CCDC158: variants seen among roughly 807,000 people sequenced by gnomAD.
CCDC158 encodes the protein coiled-coil domain-containing protein 158.
Under a neutral mutation model 138.6 loss-of-function variants are expected in CCDC158, and 116 were observed. The observed-to-expected ratio is 0.84, with a 90% CI of 0.72 to 0.98. CCDC158 has a LOEUF of 0.98. Ranked by LOEUF, CCDC158 falls within the 50% of genes least tolerant of loss-of-function variation. The probability of loss-of-function intolerance (pLI) is 0.00; values close to 1 mark genes in which losing one functional copy is unlikely to be tolerated. For synonymous variants in CCDC158, 436 were observed against 442.4 expected, an observed-to-expected ratio of 0.99 and a Z score of 0.18; for missense variants, 1,265 against 1,306.1, an observed-to-expected ratio of 0.97 and a Z score of 0.48.
At chr4:76,388,772 C>T (rs1727052910) in intron 4 of CCDC158, among the ~76,000 whole-genome samples, 1 of 152,080 alleles carries the variant, frequency 6.6e-6, no homozygotes, top group Admixed American at 6.5e-5. Context: ...CATAACCACA[C>T]CCCCAGTTCC....
chr4:76,323,811 C>T (rs373780383), intron 23 of CCDC158, among the ~76,000 whole-genome samples: 1 of 152,296 alleles, frequency 6.6e-6, no homozygotes, highest in East Asian at 1.9e-4. Context: ...AGAAACTGCA[C>T]CATTTTCAAG....
chr4:76,384,650 C>T lies in CCDC158; in HGVS notation c.304G>A (p.Glu102Lys), dbSNP rs1364961069. ...TGCCTCAAATAAAACTTTTGTTTCTCATGCAATTCATTGCTCTGAAAAAAA... is the reference window on the plus strand; with the variant it reads ...TGCCTCAAATAAAACTTTTGTTTCTTATGCAATTCATTGCTCTGAAAAAAA... The part of the protein sequence containing the change: ...RRLNESNELH[E>K]KQKFYLRQSV... The change falls in exon 5 of 25, where the codon GAG becomes AAG. Residue 102 changes from glutamate (E) to lysine (K), a missense_variant. By Grantham distance (56) the Glu-to-Lys change is moderately conservative (BLOSUM62 1). Transcript: ENST00000682701. The T allele has an allele frequency of 6.2e-7, 1 of 1,611,794 alleles. No homozygotes were observed. The highest frequency in any genetic ancestry group is 1.7e-5 in the Admixed American group (1 of 59,846).
rs547653301 is a variant in CCDC158 at position 76,398,161 on chromosome 4, G to C, written c.71-1675C>G. ...CTGAAGAATGTCAGCTAATAACTAT[G>C]ATAAAATTAGAAAATCATCAATGTA... On this transcript the variant is annotated intron_variant, in intron 3 of 24. Transcript: ENST00000682701. Among the ~76,000 whole-genome samples, 23 of 152,238 alleles carry C rather than the reference G, an allele frequency of 1.5e-4. No homozygotes were observed. The South Asian group carries it at 4.6e-3, about 30-fold the overall frequency.
At chr4:76,369,722 A>C in intron 10 of CCDC158, 99 bp from the exon 11 acceptor site, 1 of 1,018,734 alleles carries the variant, frequency 9.8e-7, no homozygotes, top group Non-Finnish European at 1.4e-6. Context: ...ATGTGATTTC[A>C]GACACCTTTG....
Position 76,351,947 on chromosome 4 carries a change from A to T in CCDC158, c.2446-135T>A, listed in dbSNP as rs572881162. On this transcript the variant is annotated intron_variant, in intron 16 of 24. Transcript: ENST00000682701. ...CTACCAAACTATATTACAATGATCT[A>T]TTTATCTGTTTTATTTAGTGAACTG... The T allele has an allele frequency of 2.9e-5, 17 of 595,706 alleles. No homozygotes were observed. The South Asian group carries it at 3.8e-4, about 13-fold the overall frequency. The allele number at this position is 595,706 out of a possible 1,614,324, so 36.9% of individuals were successfully genotyped here.
At chr4:76,401,433 A>C in intron 3 of CCDC158, 2 of 454,276 alleles carry the variant, frequency 4.4e-6, no homozygotes, top group South Asian at 3.5e-5. Flanking sequence ...AAAAAGACTA[A>C]AACGATCAAG....
intron 6 of CCDC158, 128 bp from the exon 7 acceptor site, chr4:76,383,866 C>A: frequency 1.4e-6 from 1 of 730,866 alleles, no homozygotes; most frequent in Non-Finnish European, 2.3e-6. Flanking sequence ...TACATTCTAT[C>A]CCCATATTTT....
chr4:76,407,750 A>G (rs938815071), intron 2 of CCDC158, among the ~76,000 whole-genome samples: 1 of 152,246 alleles, frequency 6.6e-6, no homozygotes, highest in Non-Finnish European at 1.5e-5. Flanking sequence ...CAAAGACTTT[A>G]GTATTAAGCA....
At chr4:76,326,101 G>T in intron 22 of CCDC158, 86 bp from the exon 23 acceptor site, 1 of 1,109,098 alleles carries the variant, frequency 9.0e-7, no homozygotes, top group Non-Finnish European at 1.3e-6. Context: ...GCTTTCATGA[G>T]AAAATGTTCC....
At chr4:76,387,911 G>T (rs1412676299) in intron 4 of CCDC158, among the ~76,000 whole-genome samples, 1 of 151,900 alleles carries the variant, frequency 6.6e-6, no homozygotes, top group Non-Finnish European at 1.5e-5. Flanking sequence ...TACTTAGGGG[G>T]CTGAGGCAGG....
At chr4:76,413,244 A>G (rs1459473903) in intron 1 of CCDC158, among the ~76,000 whole-genome samples, 1 of 152,032 alleles carries the variant, frequency 6.6e-6, no homozygotes, top group Non-Finnish European at 1.5e-5. Context: ...GAGGCCAAGG[A>G]GGGATAATTG....
intron 4 of CCDC158, among the ~76,000 whole-genome samples, chr4:76,392,922 C>T (rs1399821450): frequency 6.6e-6 from 1 of 151,652 alleles, no homozygotes; most frequent in African/African-American, 2.4e-5. Context: ...TAGGAATTAA[C>T]CAAAGAAGTG....
chr4:76,413,710 G>T (rs754004457), intron 1 of CCDC158, among the ~76,000 whole-genome samples: 1 of 152,042 alleles, frequency 6.6e-6, no homozygotes, highest in Non-Finnish European at 1.5e-5. Flanking sequence ...TGGGTAGAGT[G>T]TTGGACTAGA....
At chr4:76,405,006 A>C (rs1165218389) in intron 2 of CCDC158, among the ~76,000 whole-genome samples, 1 of 126,030 alleles carries the variant, frequency 7.9e-6, no homozygotes, top group Admixed American at 7.9e-5. Flanking sequence ...AATCCAAGAA[A>C]ATTTTCTAGA....
intron 12 of CCDC158, among the ~76,000 whole-genome samples, chr4:76,363,661 T>C (rs1361196882): frequency 2.6e-5 from 4 of 151,758 alleles, no homozygotes; most frequent in Admixed American, 1.3e-4. Flanking sequence ...GGGACATCAG[T>C]AGGGCTGGAG....
intron 8 of CCDC158, among the ~76,000 whole-genome samples, chr4:76,380,014 C>A (rs901011621): frequency 2.6e-5 from 4 of 152,114 alleles, no homozygotes; most frequent in Non-Finnish European, 4.4e-5. Context: ...TTTCCTGAGG[C>A]CTCCTAGTCA....
At chr4:76,403,538 T>C (rs964937260) in intron 2 of CCDC158, among the ~76,000 whole-genome samples, 2 of 152,202 alleles carry the variant, frequency 1.3e-5, no homozygotes, top group Non-Finnish European at 2.9e-5. Context: ...TGTAGAGGTT[T>C]CTCATAAGGT....
intron 18 of CCDC158, among the ~76,000 whole-genome samples, chr4:76,337,043 C>T (rs866284535): frequency 6.6e-6 from 1 of 152,092 alleles, no homozygotes; most frequent in East Asian, 1.9e-4. Flanking sequence ...TGCAGTGATG[C>T]GATCACGGAT....
rs147831197 is a variant in CCDC158, at chr4:76,398,307, G to A, written c.71-1821C>T. Among the ~76,000 whole-genome samples the A allele has an allele frequency of 3.3e-5, 5 of 152,258 alleles. No homozygotes were observed. In the South Asian group the frequency reaches 1.0e-3, roughly 32 times the overall value. On this transcript the variant is annotated intron_variant, in intron 3 of 24. Transcript: ENST00000682701. The stretch of plus-strand genomic sequence containing the variant: ...CTATAGATTACATATTAATTATAAA[G>A]GGGGAAATGTAACTTTCAATTAGTG...
Sources: gnomAD v4.1 joint callset for allele counts (sites outside exome capture counted in the v4.1 genomes callset) on GRCh38, gnomAD v4.1.1 for gene constraint, MANE v1.5 for transcripts, NCBI Gene and HGNC (gene_info 2026-07-23, HGNC 2026-07-21) for gene names.